The following ESRRG variants were observed in gnomAD, a reference collection of about 807,000 sequenced individuals.
ESRRG encodes the protein estrogen-related receptor gamma.
Under a neutral mutation model 44.0 loss-of-function variants are expected in ESRRG, and 13 were observed. The ratio of observed to expected loss-of-function variants is 0.30; its 90% confidence interval spans 0.19 to 0.47. The LOEUF is 0.47. Ranked by LOEUF, ESRRG falls within the 20% of genes least tolerant of loss-of-function variation. The probability of loss-of-function intolerance (pLI) is 1.00; values close to 1 mark genes in which losing one functional copy is unlikely to be tolerated. For synonymous variants in ESRRG, 215 were observed against 214.6 expected, an observed-to-expected ratio of 1.00 and a Z score of -0.02; for missense variants, 395 against 580.6, an observed-to-expected ratio of 0.68 and a Z score of 3.29.
intron 2 of ESRRG, among the ~76,000 whole-genome samples, chr1:216,670,678 A>T (rs888030177): frequency 6.6e-6 from 1 of 152,152 alleles, no homozygotes; most frequent in Non-Finnish European, 1.5e-5. Context: ...GCTAGACTGG[A>T]CTAAACTGCC....
intron 4 of ESRRG, among the ~76,000 whole-genome samples, chr1:216,564,848 CATTA>C (rs1313579417): frequency 3.3e-5 from 5 of 152,112 alleles, no homozygotes. Flanking sequence ...GCATGAAAGT[CATTA>C]ATTGTCTTAA....
intron 1 of ESRRG, among the ~76,000 whole-genome samples, chr1:216,704,730 T>C (rs1355826840): frequency 6.6e-6 from 1 of 152,152 alleles, no homozygotes; most frequent in Admixed American, 6.5e-5. Flanking sequence ...CACGTATATG[T>C]CTATGTTAAT....
intron 3 of ESRRG, among the ~76,000 whole-genome samples, chr1:216,647,246 T>C (rs1574703442): frequency 6.6e-6 from 1 of 152,286 alleles, no homozygotes; most frequent in Admixed American, 6.5e-5. Context: ...TAGATGGGCT[T>C]TCTCTGACAT....
chr1:216,747,703 C>A (rs181612160), intron 2 of ESRRG, among the ~76,000 whole-genome samples: 1 of 152,094 alleles, frequency 6.6e-6, no homozygotes, highest in African/African-American at 2.4e-5. Context: ...TTGAGCGAAA[C>A]GTTCAATCAT....
At chr1:216,632,509 G>A (rs2064408568) in intron 3 of ESRRG, among the ~76,000 whole-genome samples, 1 of 152,114 alleles carries the variant, frequency 6.6e-6, no homozygotes, top group African/African-American at 2.4e-5. Context: ...TAGATACAAA[G>A]CTGACATGAC....
intron 2 of ESRRG, among the ~76,000 whole-genome samples, chr1:216,924,730 T>A (rs1254128282): frequency 6.6e-6 from 1 of 152,154 alleles, no homozygotes; most frequent in Non-Finnish European, 1.5e-5. Flanking sequence ...TTGTTATTGA[T>A]AGAGTTTGCA....
At chr1:217,010,233 T>C (rs1579438276) in intron 1 of ESRRG, among the ~76,000 whole-genome samples, 1 of 152,202 alleles carries the variant, frequency 6.6e-6, no homozygotes, top group Admixed American at 6.5e-5. Flanking sequence ...TCTTGCATTA[T>C]TTTGCTGTTT....
intron 2 of ESRRG, among the ~76,000 whole-genome samples, chr1:216,871,712 A>T (rs2096262170): frequency 6.6e-6 from 1 of 152,024 alleles, no homozygotes; most frequent in Admixed American, 6.5e-5. Flanking sequence ...ATGTGGAAAC[A>T]TTATCATCCT....
chr1:217,094,771 G>A (rs2092398501), intron 1 of ESRRG, among the ~76,000 whole-genome samples: 1 of 152,170 alleles, frequency 6.6e-6, no homozygotes, highest in African/African-American at 2.4e-5. Flanking sequence ...GAATTGAGTT[G>A]GCTATACAAA....
At chr1:216,873,282 G>T (rs1192607399) in intron 2 of ESRRG, among the ~76,000 whole-genome samples, 3 of 135,208 alleles carry the variant, frequency 2.2e-5, no homozygotes, top group African/African-American at 8.9e-5. Context: ...CATGATCTTG[G>T]CTCACTGCAA....
intron 2 of ESRRG, among the ~76,000 whole-genome samples, chr1:216,738,149 G>A (rs1025685686): frequency 6.6e-6 from 1 of 152,056 alleles, no homozygotes; most frequent in Non-Finnish European, 1.5e-5. Flanking sequence ...TGAGGGTGGG[G>A]TCCATACAGT....
chr1:216,993,638 C>T (rs1329133368), intron 1 of ESRRG, among the ~76,000 whole-genome samples: 2 of 152,128 alleles, frequency 1.3e-5, no homozygotes, highest in African/African-American at 4.8e-5. Flanking sequence ...GTTAAGGTGA[C>T]AGATATTCCC....
chr1:216,825,663 A>C (rs971817342), intron 2 of ESRRG, among the ~76,000 whole-genome samples: 1 of 152,206 alleles, frequency 6.6e-6, no homozygotes, highest in South Asian at 2.1e-4. Context: ...GGATGCTAGA[A>C]GTGTATGTAG....
At chr1:216,685,254 A>C (rs977664609) in intron 1 of ESRRG, among the ~76,000 whole-genome samples, 2 of 152,198 alleles carry the variant, frequency 1.3e-5, no homozygotes, top group African/African-American at 4.8e-5. Context: ...TTTATAAAAA[A>C]AAAAAGTACC....
chr1:216,635,174 G>T (rs994099921), intron 3 of ESRRG, among the ~76,000 whole-genome samples: 1 of 152,150 alleles, frequency 6.6e-6, no homozygotes, highest in Non-Finnish European at 1.5e-5. Flanking sequence ...ATGTTCAGGG[G>T]TCAATACAAG....
intron 3 of ESRRG, among the ~76,000 whole-genome samples, chr1:216,583,073 G>C (rs1416490825): frequency 6.6e-6 from 1 of 152,086 alleles, no homozygotes; most frequent in East Asian, 1.9e-4. Context: ...TTGAAAGAAG[G>C]CAGTAAAAAT....
At chr1:217,122,658 C>A (rs2092834971) in intron 1 of ESRRG, among the ~76,000 whole-genome samples, 1 of 142,650 alleles carries the variant, frequency 7.0e-6, no homozygotes, top group Non-Finnish European at 1.5e-5. Context: ...GGGAAAGACA[C>A]ACACACTTTT....
intron 1 of ESRRG, among the ~76,000 whole-genome samples, chr1:217,005,468 T>G (rs375065571): frequency 1.3e-5 from 2 of 152,138 alleles, no homozygotes; most frequent in African/African-American, 4.8e-5. Context: ...TTGCTTGGCA[T>G]ACACAGATAA....
intron 1 of ESRRG, among the ~76,000 whole-genome samples, chr1:216,991,215 T>C (rs1229082246): frequency 1.3e-5 from 2 of 152,034 alleles, no homozygotes; most frequent in Non-Finnish European, 2.9e-5. Flanking sequence ...ATGGAAAAAT[T>C]ATCTTCCACA....
Sources: allele counts gnomAD v4.1 joint callset (sites outside exome capture counted in the v4.1 genomes callset), GRCh38; gene constraint gnomAD v4.1.1; transcripts MANE v1.5; gene names NCBI Gene and HGNC (gene_info 2026-07-23, HGNC 2026-07-21).